The following TCTN1 variants were observed in gnomAD, a reference collection of about 807,000 sequenced individuals.
TCTN1 encodes tectonic-1.
TCTN1 carries 58 observed loss-of-function variants against 65.8 expected under a neutral mutation model. That is an observed-to-expected ratio of 0.88 (90% CI 0.71 to 1.10). TCTN1 has a LOEUF of 1.10. TCTN1 is among the 50% of genes least tolerant of loss of function. TCTN1 has a pLI of 0.00. For synonymous variants in TCTN1, 273 were observed against 289.1 expected, an observed-to-expected ratio of 0.94 and a Z score of 0.57; for missense variants, 645 against 719.4, an observed-to-expected ratio of 0.90 and a Z score of 1.18.
At chr12:110,638,932 G>A (rs2066767855) in intron 7 of TCTN1, among the ~76,000 whole-genome samples, 2 of 152,324 alleles carry the variant, frequency 1.3e-5, no homozygotes, top group African/African-American at 2.4e-5. Flanking sequence ...TATGCAGAGG[G>A]CCTCACAGTG....
chr12:110,626,523 A>C (rs2065853254), intron 3 of TCTN1, 31 bp downstream of exon 3: 1 of 1,600,796 alleles, frequency 6.2e-7, no homozygotes, highest in African/African-American at 1.3e-5. Context: ...TATTTTGTGA[A>C]GCTCTGGAAA....
chr12:110,620,351 T>C (rs1261309999), intron 2 of TCTN1, among the ~76,000 whole-genome samples: 1 of 151,124 alleles, frequency 6.6e-6, no homozygotes, highest in East Asian at 1.9e-4. Context: ...GAGCTTGCAG[T>C]GAGTGGAGAT....
rs1163380195 is a variant in TCTN1 at position 110,614,325 on chromosome 12, T to A, written c.143T>A (p.Phe48Tyr). 2 of 1,605,738 alleles carry A rather than the reference T, an allele frequency of 1.2e-6. No homozygotes were observed. Among genetic ancestry groups the A allele is most frequent in the Non-Finnish European group, 1.7e-6 (2 of 1,176,964 alleles). The change falls in exon 1 of 15, where the codon TTC becomes TAC. Residue 48 changes from phenylalanine to tyrosine, a missense_variant. Physicochemically the swap from Phe to Tyr is conservative, Grantham distance 22. Transcript: ENST00000397659. ...GCAGCCCTGGCCACCTTCGGAACTT[T>A]CCCGTCGACCAGGCCCCCCGGGACT... ...TEAALATFGT[F>Y]PSTRPPGTPR... is the part of the protein sequence containing the mutation.
At chr12:110,621,398 T>C (rs769133337) in intron 2 of TCTN1, among the ~76,000 whole-genome samples, 3 of 152,166 alleles carry the variant, frequency 2.0e-5, no homozygotes, top group Admixed American at 1.3e-4. Context: ...TTTCAGTATT[T>C]GTTGAAAGTC....
chr12:110,614,589 AG>A, intron 1 of TCTN1, 187 bp downstream of exon 1: 1 of 1,238,376 alleles, frequency 8.1e-7, no homozygotes, highest in African/African-American at 1.5e-5. Context: ...TATCACTGTC[AG>A]GTAAATGAGA....
intron 4 of TCTN1, among the ~76,000 whole-genome samples, chr12:110,631,042 C>G (rs925506964): frequency 6.6e-6 from 1 of 152,162 alleles, no homozygotes; most frequent in African/African-American, 2.4e-5. Context: ...TCTTGGCTCA[C>G]TGCAACCTCC....
intron 3 of TCTN1, chr12:110,628,087 G>A (rs973799004): frequency 2.6e-6 from 4 of 1,535,912 alleles, no homozygotes; most frequent in Admixed American, 3.9e-5. Context: ...GTGGCTGTGT[G>A]AGAGTAGAAG....
chr12:110,648,944 T>C, intron 14 of TCTN1, 99 bp from the exon 15 acceptor site: 1 of 426,836 alleles, frequency 2.3e-6, no homozygotes, highest in East Asian at 7.1e-5. Flanking sequence ...GGTACCCCTT[T>C]TGGGGAAACT....
Position 110,614,235 on chromosome 12 carries a change from C to A in TCTN1, c.53C>A (p.Ala18Asp). Residue 18 changes from alanine to aspartate, a missense_variant, in exon 1 of 15, where the codon GCC (alanine) becomes GAC (aspartate). Transcript: ENST00000397659. The part of the protein sequence containing the change: ...PLLVVLLGCW[A>D]SVSAQTDATP... ...CTGGTGGTGCTCCTGGGCTGCTGGGCCTCCGTGAGCGCCCAGACCGATGCC... is the reference window on the plus strand; with the variant it reads ...CTGGTGGTGCTCCTGGGCTGCTGGGACTCCGTGAGCGCCCAGACCGATGCC... 1 of 1,590,068 alleles carries A rather than the reference C, an allele frequency of 6.3e-7. No individual in the cohort carries two copies. Among genetic ancestry groups the A allele is most frequent in the Non-Finnish European group, 8.6e-7 (1 of 1,169,140 alleles).
chr12:110,640,586 C>CT lies in TCTN1; in HGVS notation c.978+70dup. ...TAAGCCTCTTGTTGCGCCGGGGTAACTGGACGCCCTCCGAGGACGCTCTGT... is the reference window on the plus strand; with the variant it reads ...TAAGCCTCTTGTTGCGCCGGGGTAACTTGGACGCCCTCCGAGGACGCTCTGT... On this transcript the variant is annotated intron_variant, in intron 8 of 14. Transcript: ENST00000397659. The surrounding 1 kb of genome is among the most constrained non-coding windows in gnomAD (Gnocchi z 4.9). The CT allele has an allele frequency of 6.2e-7, 1 of 1,610,358 alleles. No individual in the cohort carries two copies. Among genetic ancestry groups the CT allele is most frequent in the South Asian group, 1.1e-5 (1 of 90,806 alleles).
rs776322884 is a variant in TCTN1, at chr12:110,626,363, G to A, written c.343G>A (p.Gly115Ser). The change falls in exon 3 of 15, where the codon GGC (glycine) becomes AGC (serine). Residue 115 changes from glycine to serine, a missense_variant and splice_region_variant. By Grantham distance (56) the Gly-to-Ser change is moderately conservative. Coordinates refer to ENST00000397659, the MANE Select transcript of TCTN1 (RefSeq NM_001082538.3). ...TATTATTATTTTTTTAATTTTCAGG[G>A]GCGACAGCCAGTTTTGTAGTCAAAA... ...FSACSVPVVT[G>S]DSQFCSQKAV... The A allele has an allele frequency of 2.3e-5, 36 of 1,574,344 alleles. No individual in the cohort carries two copies. The East Asian group carries it at 4.1e-4, about 18-fold the overall frequency.
At chr12:110,641,687 A>C (rs2066965074) in intron 10 of TCTN1, 60 bp downstream of exon 10, 7 of 1,519,682 alleles carry the variant, frequency 4.6e-6, no homozygotes, top group Non-Finnish European at 4.6e-6. Flanking sequence ...CGTGGGCTGC[A>C]CTGCTCTTTA....
chr12:110,641,006 G>C lies in TCTN1; in HGVS notation c.979-18G>C, dbSNP rs1450955168. The C allele has an allele frequency of 6.2e-7, 1 of 1,614,136 alleles. No individual in the cohort carries two copies. Among genetic ancestry groups the C allele is most frequent in the East Asian group, 2.2e-5 (1 of 44,888 alleles). On this transcript the variant is annotated intron_variant, in intron 8 of 14. Transcript: ENST00000397659. ...ATGTAATGGAACAGGTATATTTGGA[G>C]TATCATTTTGTTTTTAGGTAAAGTA...
intron 2 of TCTN1, among the ~76,000 whole-genome samples, chr12:110,620,948 G>A (rs2065385312): frequency 1.3e-5 from 2 of 152,072 alleles, no homozygotes. Flanking sequence ...GAGTAGCTGG[G>A]ACTACAGGTG....
At chr12:110,638,269 C>T (rs1024250860) in intron 7 of TCTN1, among the ~76,000 whole-genome samples, 2 of 152,122 alleles carry the variant, frequency 1.3e-5, no homozygotes, top group Non-Finnish European at 2.9e-5. Flanking sequence ...CCACACAGGA[C>T]GTGGCAGACT....
chr12:110,632,515 C>G lies in TCTN1; in HGVS notation c.668C>G (p.Pro223Arg). ...LQTSDSFLRF[P>R]SSLTSSLCTD... The stretch of plus-strand genomic sequence containing the variant: ...ACTTCAGATTCGTTTCTGAGATTTC[C>G]TTCGTCCCTGACATCATCTCTGTGC... The change falls in exon 5 of 15, where the codon CCT becomes CGT. Residue 223 changes from proline to arginine, a missense_variant. By Grantham distance (103) the Pro-to-Arg change is moderately radical (BLOSUM62 -2). Transcript: ENST00000397659. 6.2e-7 allele frequency: 1 copy of G among 1,614,046 alleles called. No homozygotes were observed. Among genetic ancestry groups the G allele is most frequent in the Non-Finnish European group, 8.5e-7 (1 of 1,179,972 alleles).
intron 2 of TCTN1, among the ~76,000 whole-genome samples, chr12:110,621,405 A>ACAG (rs2065420729): frequency 6.6e-6 from 1 of 152,052 alleles, no homozygotes; most frequent in Non-Finnish European, 1.5e-5. Flanking sequence ...ATTTGTTGAA[A>ACAG]GTCATTCTGT....
chr12:110,628,635 C>G (rs1565976228), intron 3 of TCTN1, 132 bp from the exon 4 acceptor site: 1 of 857,402 alleles, frequency 1.2e-6, no homozygotes, highest in Non-Finnish European at 1.8e-6. Context: ...GCCCATGCGC[C>G]CAGCCAAGAC....
At chr12:110,622,785 G>T (rs1481821841) in intron 2 of TCTN1, among the ~76,000 whole-genome samples, 2 of 152,124 alleles carry the variant, frequency 1.3e-5, no homozygotes, top group African/African-American at 4.8e-5. Flanking sequence ...ACAGGGCCTG[G>T]GTTGTAAGAG....
Sources: gnomAD v4.1 joint callset for allele counts (sites outside exome capture counted in the v4.1 genomes callset) on GRCh38, gnomAD v4.1.1 for gene constraint, Gnocchi (gnomAD v3.1) non-coding constraint, MANE v1.5 for transcripts, NCBI Gene and HGNC (gene_info 2026-07-23, HGNC 2026-07-21) for gene names.